The following CARMIL1 variants were observed in gnomAD, a reference collection of about 807,000 sequenced individuals.
CARMIL1 encodes the protein capping protein regulator and myosin 1 linker 1.
Under a neutral mutation model 177.1 loss-of-function variants are expected in CARMIL1, and 90 were observed. That is an observed-to-expected ratio of 0.51 (90% CI 0.43 to 0.61). The LOEUF is 0.61. CARMIL1 is among the 20% of genes least tolerant of loss of function. The pLI, the probability that CARMIL1 is intolerant of heterozygous loss-of-function variation, is 0.00. For synonymous variants in CARMIL1, 577 were observed against 606.2 expected (o/e 0.95, Z 0.71); for missense variants, 1,380 against 1,667.0 (o/e 0.83, Z 3.00).
At chr6:25,420,797 T>C (rs1480997947) in intron 3 of CARMIL1, among the ~76,000 whole-genome samples, 14 of 152,252 alleles carry the variant, frequency 9.2e-5, no homozygotes, top group Non-Finnish European at 1.9e-4. Context: ...GTTTGTGGAT[T>C]AATCATAATA....
intron 31 of CARMIL1, among the ~76,000 whole-genome samples, chr6:25,585,492 A>G (rs939410020): frequency 2.6e-4 from 40 of 152,234 alleles, no homozygotes; most frequent in African/African-American, 9.4e-4. Context: ...TGTGCCAAAA[A>G]TGTACAAATA....
intron 29 of CARMIL1, chr6:25,563,609 T>G: frequency 1.0e-6 from 1 of 985,436 alleles, no homozygotes; most frequent in Non-Finnish European, 1.2e-6. Context: ...GAAGATCCCT[T>G]AAGCCATGCA....
chr6:25,307,053 G>C (rs2150191468), intron 2 of CARMIL1, among the ~76,000 whole-genome samples: 1 of 152,024 alleles, frequency 6.6e-6, no homozygotes, highest in East Asian at 1.9e-4. Context: ...TAATTTTTTT[G>C]TATTTTTAGT....
At chr6:25,517,735 G>C (rs1338971601) in intron 22 of CARMIL1, among the ~76,000 whole-genome samples, 1 of 150,638 alleles carries the variant, frequency 6.6e-6, no homozygotes, top group African/African-American at 2.5e-5. Context: ...AAATTGTGTA[G>C]ATTTCACAAT....
At chr6:25,451,986 G>GGGGGGGGGGGGCCC in intron 8 of CARMIL1, 3 of 112,668 alleles carry the variant, frequency 2.7e-5, no homozygotes, top group Non-Finnish European at 5.2e-5. Context: ...CTAGCATCTT[G>GGGGGGGGGGGGCCC]CCCCCCCCTC....
intron 2 of CARMIL1, among the ~76,000 whole-genome samples, chr6:25,390,206 C>T (rs1203162798): frequency 2.0e-5 from 3 of 150,192 alleles, no homozygotes; most frequent in South Asian, 2.1e-4. Context: ...TCTCTTAAGC[C>T]TCTGGAATAT....
Position 25,600,486 on chromosome 6 carries a change from G to C in CARMIL1, c.3292G>C (p.Ala1098Pro). ...AGAAGAACCCTCCTCACCAAAAGGG[G>C]CAGTCAGAAGTCCACCTGTGGACTG... Reference protein sequence around the residue: ...MTEEPSSPKGAVRSPPVDCPR... With the variant: ...MTEEPSSPKGPVRSPPVDCPR... Residue 1098 changes from alanine (A) to proline (P), a missense_variant, in exon 33 of 37, where the codon GCA becomes CCA. Physicochemically the swap from Ala to Pro is conservative, Grantham distance 27. Coordinates refer to ENST00000329474, the MANE Select transcript of CARMIL1 (RefSeq NM_017640.6). 6.2e-7 allele frequency: 1 copy of C among 1,614,046 alleles called. No individual in the cohort carries two copies. Among genetic ancestry groups the C allele is most frequent in the Non-Finnish European group, 8.5e-7 (1 of 1,179,906 alleles).
chr6:25,599,107 T>G (rs1243811920), intron 32 of CARMIL1, among the ~76,000 whole-genome samples: 1 of 152,218 alleles, frequency 6.6e-6, no homozygotes, highest in Non-Finnish European at 1.5e-5. Flanking sequence ...GGTGTTGGGA[T>G]GGGCATCATT....
intron 5 of CARMIL1, among the ~76,000 whole-genome samples, chr6:25,438,448 A>C (rs2150780187): frequency 6.6e-6 from 1 of 152,364 alleles, no homozygotes; most frequent in African/African-American, 2.4e-5. Context: ...CTGTGAGAGA[A>C]ATAGATGGGA....
At chr6:25,502,326 A>G (rs900465378) in intron 17 of CARMIL1, among the ~76,000 whole-genome samples, 1 of 151,970 alleles carries the variant, frequency 6.6e-6, no homozygotes, top group Non-Finnish European at 1.5e-5. Context: ...TGGGAGGCCT[A>G]GGCGGGTGGA....
intron 5 of CARMIL1, among the ~76,000 whole-genome samples, chr6:25,438,532 G>A (rs931797109): frequency 1.3e-5 from 2 of 152,244 alleles, no homozygotes; most frequent in African/African-American, 2.4e-5. Context: ...CCTAGGGGAA[G>A]AGAAGGCGCC....
At chr6:25,519,723 A>G (rs1806354459) in intron 22 of CARMIL1, among the ~76,000 whole-genome samples, 1 of 152,220 alleles carries the variant, frequency 6.6e-6, no homozygotes, top group Non-Finnish European at 1.5e-5. Flanking sequence ...CATTTAATGG[A>G]GCCCAGAAAC....
At chr6:25,560,605 C>G (rs1287928142) in intron 29 of CARMIL1, among the ~76,000 whole-genome samples, 2 of 152,158 alleles carry the variant, frequency 1.3e-5, no homozygotes, top group Admixed American at 1.3e-4. Context: ...AATGAGGAAA[C>G]TGAGGGAGAG....
chr6:25,289,558 C>T (rs1406071594), intron 2 of CARMIL1, among the ~76,000 whole-genome samples: 1 of 152,182 alleles, frequency 6.6e-6, no homozygotes, highest in Non-Finnish European at 1.5e-5. Context: ...AGATTTCCAT[C>T]ACCACAAGGA....
At chr6:25,520,387 G>A (rs1806428172) in intron 23 of CARMIL1, 50 bp downstream of exon 23, 1 of 1,016,656 alleles carries the variant, frequency 9.8e-7, no homozygotes, top group Non-Finnish European at 1.5e-6. Flanking sequence ...TTTGAATTGT[G>A]GTTATGTTCC....
At chr6:25,318,640 C>T (rs1283876604) in intron 2 of CARMIL1, among the ~76,000 whole-genome samples, 1 of 152,142 alleles carries the variant, frequency 6.6e-6, no homozygotes, top group Non-Finnish European at 1.5e-5. Flanking sequence ...TTAGCAAGAT[C>T]TCTTTCATTT....
chr6:25,326,089 C>T lies in CARMIL1; in HGVS notation c.138+41180C>T, dbSNP rs530612591. Among the ~76,000 whole-genome samples the T allele has an allele frequency of 7.9e-5, 12 of 152,088 alleles. No homozygotes were observed. The South Asian group carries it at 1.9e-3, about 24-fold the overall frequency. On this transcript the variant is annotated intron_variant, in intron 2 of 36. Transcript: ENST00000329474. This position sits in a 1 kb window ranked among gnomAD's most constrained non-coding sequence, Gnocchi z 4.2. ...TTCACCGTGTTGGCCAGGATGGTGT[C>T]GATTTCCTGACCTCGTGATCCGCCC...
intron 2 of CARMIL1, among the ~76,000 whole-genome samples, chr6:25,332,777 A>ACACACACACACG (rs1368595338): frequency 7.6e-6 from 1 of 132,210 alleles, no homozygotes; most frequent in Non-Finnish European, 1.8e-5. Flanking sequence ...ACACACGCGC[A>ACACACACACACG]CACACACACA....
chr6:25,430,597 T>C lies in CARMIL1; in HGVS notation c.249+4037T>C, dbSNP rs1021414804. 2.6e-5 allele frequency among the ~76,000 whole-genome samples: 4 copies of C among 152,064 alleles called. No individual in the cohort carries two copies. The East Asian group carries it at 7.7e-4, about 29-fold the overall frequency. Reference sequence around the variant, plus strand: ...GGCATGCACCACCATGCCTGGCTAATTTGTGTATTTTTTCCTAGAGACAGG... The same window carrying C: ...GGCATGCACCACCATGCCTGGCTAACTTGTGTATTTTTTCCTAGAGACAGG... On this transcript the variant is annotated intron_variant, in intron 4 of 36. Coordinates refer to ENST00000329474, the MANE Select transcript of CARMIL1 (RefSeq NM_017640.6).
Sources: gnomAD v4.1 joint callset for allele counts (sites outside exome capture counted in the v4.1 genomes callset) on GRCh38, gnomAD v4.1.1 for gene constraint, Gnocchi (gnomAD v3.1) non-coding constraint, MANE v1.5 for transcripts, NCBI Gene and HGNC (gene_info 2026-07-23, HGNC 2026-07-21) for gene names.